Variants in CLPB observed in about 807,000 individuals in gnomAD.
CLPB encodes ClpB family mitochondrial disaggregase.
Under a neutral mutation model 78.4 loss-of-function variants are expected in CLPB, and 40 were observed. The observed-to-expected ratio is 0.51, with a 90% confidence interval of 0.40 to 0.66. CLPB has a LOEUF of 0.66. CLPB is among the 30% of genes least tolerant of loss of function. The pLI is 0.00. For synonymous variants in CLPB, 333 were observed against 348.0 expected (o/e 0.96, Z 0.48); for missense variants, 780 against 886.9 (o/e 0.88, Z 1.53).
In CLPB at chr11:72,285,579, TTGA is replaced by T. The variant is rs1949377792; in HGVS notation, c.*7785_*7787del. On this transcript the variant is annotated 3_prime_UTR_variant, in exon 16 of 16. Coordinates refer to ENST00000538039, the MANE Select transcript of CLPB (RefSeq NM_001258392.3). ...AGTATTAAATCATCCTTTCTAAAAC[TTGA>T]TGTTTTTTCACTTGTCAGGTCTTAT... The T allele has an allele frequency of 6.6e-6, 1 of 152,244 alleles. No individual in the cohort carries two copies. The highest frequency in any genetic ancestry group is 2.4e-5 in the African/African-American group (1 of 41,462). The allele number at this position is 152,244 out of a possible 1,614,324, so 9.4% of individuals were successfully genotyped here.
intron 14 of CLPB, 97 bp downstream of exon 14, chr11:72,294,228 C>T (rs902669850): frequency 4.4e-5 from 71 of 1,606,572 alleles, no homozygotes; most frequent in Non-Finnish European, 5.5e-5. Context: ...CACCACTGTG[C>T]TCCACCTTTT....
At chr11:72,369,122 G>A (rs185591785) in intron 4 of CLPB, among the ~76,000 whole-genome samples, 59 of 152,294 alleles carry the variant, frequency 3.9e-4, no homozygotes, top group African/African-American at 1.3e-3. Flanking sequence ...TATTGTCCCT[G>A]CCTGTGGCCA....
chr11:72,346,533 C>T (rs1395357754), intron 5 of CLPB, among the ~76,000 whole-genome samples: 1 of 149,674 alleles, frequency 6.7e-6, no homozygotes, highest in Admixed American at 6.7e-5. Flanking sequence ...AAGGTAGATA[C>T]GAGATGAGCC....
chr11:72,382,947 T>C (rs1194853222), intron 3 of CLPB, among the ~76,000 whole-genome samples: 3 of 151,686 alleles, frequency 2.0e-5, no homozygotes, highest in Non-Finnish European at 4.4e-5. Context: ...TAAGAAAATA[T>C]AGAGAAACAA....
chr11:72,412,342 G>C (rs1236538816), intron 2 of CLPB, among the ~76,000 whole-genome samples: 1 of 152,218 alleles, frequency 6.6e-6, no homozygotes, highest in Non-Finnish European at 1.5e-5. Context: ...AAGGGAGTGA[G>C]AGCAGTGAGG....
intron 6 of CLPB, among the ~76,000 whole-genome samples, chr11:72,326,933 G>C (rs1950143484): frequency 6.6e-6 from 1 of 152,238 alleles, no homozygotes; most frequent in Non-Finnish European, 1.5e-5. Flanking sequence ...TTGGCATCCA[G>C]GGAGGGCTGA....
intron 5 of CLPB, among the ~76,000 whole-genome samples, chr11:72,358,542 C>T (rs1476944744): frequency 6.6e-6 from 1 of 152,076 alleles, no homozygotes; most frequent in Non-Finnish European, 1.5e-5. Flanking sequence ...AGAGAGAACA[C>T]TTTTAGGGAT....
rs928296141 is a variant in CLPB, at chr11:72,287,837, G to C, written c.*5530C>G. ...TTCTTCTCAATTCCTCAATATATAT[G>C]GTTATGTCTAATTTCTCATGCCTAA... is the stretch of plus-strand genomic sequence containing the variant. On this transcript the variant is annotated 3_prime_UTR_variant, in exon 16 of 16. Coordinates refer to ENST00000538039, the MANE Select transcript of CLPB (RefSeq NM_001258392.3). The C allele has an allele frequency of 6.6e-6, 1 of 151,962 alleles. No homozygotes were observed. Among genetic ancestry groups the C allele is most frequent in the Non-Finnish European group, 1.5e-5 (1 of 67,994 alleles). 9.4% of individuals were successfully genotyped at this position (151,962 alleles called of 1,614,324 possible). A position where few individuals can be genotyped will look rare whatever the true frequency, so the allele number is the denominator to read the frequency against.
chr11:72,321,085 T>TAC (rs753794753), intron 6 of CLPB, among the ~76,000 whole-genome samples: 1 of 151,712 alleles, frequency 6.6e-6, no homozygotes, highest in Non-Finnish European at 1.5e-5. Flanking sequence ...ATACTTGAGA[T>TAC]ATATATATAT....
intron 5 of CLPB, among the ~76,000 whole-genome samples, chr11:72,358,562 C>A (rs1950766606): frequency 6.6e-6 from 1 of 152,010 alleles, no homozygotes; most frequent in Non-Finnish European, 1.5e-5. Flanking sequence ...TAGCAAGAGT[C>A]CAGAAAACTC....
At chr11:72,332,060 C>A (rs1404292805) in intron 5 of CLPB, among the ~76,000 whole-genome samples, 1 of 152,114 alleles carries the variant, frequency 6.6e-6, no homozygotes, top group Non-Finnish European at 1.5e-5. Context: ...CTTTTATTAT[C>A]AGTAAGAAAA....
intron 13 of CLPB, 45 bp from the exon 14 acceptor site, chr11:72,294,489 C>T (rs772629590): frequency 7.5e-5 from 121 of 1,612,572 alleles, no homozygotes; most frequent in African/African-American, 1.5e-4. Context: ...TGACCCAGAG[C>T]GGGTTAGGGA....
rs1949500581 is a variant in CLPB, at chr11:72,294,042, C to T, written c.1765G>A (p.Ala589Thr). ...LVDGYNVHYG[A>T]RSIKHEVERR... ...CTCACCTCATGTTTGATGGAGCGGG[C>T]GCCATAGTGCACATTGTAGCCGTCG... is the stretch of plus-strand genomic sequence containing the variant. Residue 589 changes from alanine (A) to threonine (T), a missense_variant, in exon 15 of 16, where the codon GCC becomes ACC. Physicochemically the swap from Ala to Thr is moderately conservative, Grantham distance 58. This residue lies in a region of CLPB where 272 missense variants were observed against 304.0 expected (regional missense o/e 0.89). Coordinates refer to ENST00000538039, the MANE Select transcript of CLPB (RefSeq NM_001258392.3). 10 of 1,613,822 alleles carry T rather than the reference C, an allele frequency of 6.2e-6. No homozygotes were observed. Among genetic ancestry groups the T allele is most frequent in the African/African-American group, 1.3e-5 (1 of 74,922 alleles).
Position 72,359,017 on chromosome 11 carries a change from A to G in CLPB, c.647-9T>C. The G allele has an allele frequency of 6.2e-7, 1 of 1,613,166 alleles. No homozygotes were observed. The highest frequency in any genetic ancestry group is 8.5e-7 in the Non-Finnish European group (1 of 1,179,866). Reference sequence around the variant, plus strand: ...CTCTCGGGTGATCAGGACTGGGGAGACAGCAACACAAACCCTTCCATTAGC... The same window carrying G: ...CTCTCGGGTGATCAGGACTGGGGAGGCAGCAACACAAACCCTTCCATTAGC... On this transcript the variant is annotated splice_polypyrimidine_tract_variant and intron_variant, in intron 4 of 15. Transcript: ENST00000538039.
chr11:72,374,225 A>G (rs1951098596), intron 4 of CLPB, among the ~76,000 whole-genome samples: 1 of 152,186 alleles, frequency 6.6e-6, no homozygotes, highest in South Asian at 2.1e-4. Context: ...ATTCTTTATT[A>G]AATGTCACTG....
At chr11:72,369,054 T>C (rs1375884417) in intron 4 of CLPB, among the ~76,000 whole-genome samples, 1 of 151,954 alleles carries the variant, frequency 6.6e-6, no homozygotes, top group Non-Finnish European at 1.5e-5. Flanking sequence ...TTCTCTCACC[T>C]CCATGAAAGG....
At chr11:72,306,324 T>G (rs1023347038) in intron 9 of CLPB, among the ~76,000 whole-genome samples, 1 of 152,162 alleles carries the variant, frequency 6.6e-6, no homozygotes, top group East Asian at 1.9e-4. Context: ...CTGGGGCCAC[T>G]TGGCTGGCAG....
At chr11:72,308,128 T>C (rs1949777870) in intron 8 of CLPB, among the ~76,000 whole-genome samples, 1 of 152,324 alleles carries the variant, frequency 6.6e-6, no homozygotes, top group Non-Finnish European at 1.5e-5. Flanking sequence ...ATGGTGGTCA[T>C]TAGGGGCCTT....
At position 72,294,296 on chromosome 11, in the gene CLPB, G is replaced by A. The variant is rs1191282888; in HGVS notation, c.1680+29C>T. 1.6e-5 allele frequency: 26 copies of A among 1,613,730 alleles called. No individual in the cohort carries two copies. In the South Asian group the frequency reaches 2.1e-4, roughly 13 times the overall value. ...CAGATTTCCAGTGGCTGGCTATCCCGCCCCCACCCATGGGCAGTTCCCTCT... is the reference window on the plus strand; with the variant it reads ...CAGATTTCCAGTGGCTGGCTATCCCACCCCCACCCATGGGCAGTTCCCTCT... On this transcript the variant is annotated intron_variant, in intron 14 of 15. Transcript: ENST00000538039.
Sources: gnomAD v4.1 joint callset for allele counts (sites outside exome capture counted in the v4.1 genomes callset) on GRCh38, gnomAD v4.1.1 for gene constraint, gnomAD v4.1.1 regional missense constraint, MANE v1.5 for transcripts, NCBI Gene and HGNC (gene_info 2026-07-23, HGNC 2026-07-21) for gene names.